PSMF1: variants seen among roughly 807,000 people sequenced by gnomAD.
The protein encoded by PSMF1 is proteasome inhibitor PI31 subunit.
PSMF1 carries 30 observed loss-of-function variants against 29.3 expected under a neutral mutation model. The ratio of observed to expected loss-of-function variants is 1.02; its 90% confidence interval spans 0.77 to 1.39. The LOEUF (loss-of-function observed/expected upper bound fraction) is 1.39, where lower values mean the gene tolerates loss of function less well. PSMF1 is among the 40% of genes most tolerant of loss of function. PSMF1 has a pLI of 0.00. For missense variants in PSMF1, 344 were observed against 357.5 expected (o/e 0.96, Z 0.31); for synonymous variants, 134 against 139.7 (o/e 0.96, Z 0.29).
At chr20:1,127,861 T>A (rs2086179447) in intron 3 of PSMF1, among the ~76,000 whole-genome samples, 1 of 152,130 alleles carries the variant, frequency 6.6e-6, no homozygotes, top group South Asian at 2.1e-4. Context: ...AAAAAATTAT[T>A]TTCTTTAGGG....
intron 3 of PSMF1, 79 bp from the exon 4 acceptor site, chr20:1,135,042 G>A (rs557347547): frequency 4.8e-5 from 71 of 1,479,726 alleles, no homozygotes; most frequent in South Asian, 1.7e-4. Context: ...CGCCGCCGCC[G>A]CCGTCGTTGC....
intron 4 of PSMF1, among the ~76,000 whole-genome samples, chr20:1,151,776 A>G (rs561766270): frequency 1.6e-4 from 25 of 152,370 alleles, no homozygotes; most frequent in African/African-American, 5.5e-4. Flanking sequence ...GAAAGTTTTC[A>G]GAGAGATGAT....
In PSMF1 at chr20:1,167,951, C is replaced by G. The variant is rs1325143498; in HGVS notation, c.*2871C>G. ...ACGGAAGCTGCACCATTTTACATTT[C>G]CACTGGTAATTTATGAGGGTTCCAG... On this transcript the variant is annotated 3_prime_UTR_variant, in exon 7 of 7. Transcript: ENST00000335877. 1 of 152,246 alleles carries G rather than the reference C, an allele frequency of 6.6e-6. No homozygotes were observed. Among genetic ancestry groups the G allele is most frequent in the Non-Finnish European group, 1.5e-5 (1 of 68,050 alleles). 9.4% of individuals were successfully genotyped at this position (152,246 alleles called of 1,614,324 possible).
Position 1,127,520 on chromosome 20 carries a change from T to G in PSMF1, c.365+12T>G, listed in dbSNP as rs1369716331. 6.4e-7 allele frequency: 1 copy of G among 1,557,704 alleles called. No homozygotes were observed. The highest frequency in any genetic ancestry group is 1.7e-5 in the Admixed American group (1 of 59,932). On this transcript the variant is annotated intron_variant, in intron 3 of 6. Transcript: ENST00000335877. ...GGTGACTTCCACAGGTACTTCTAAA[T>G]GATGTCTCTTCCCTGGGAAAAAGAA...
At chr20:1,149,751 C>T (rs1421488617) in intron 4 of PSMF1, among the ~76,000 whole-genome samples, 1 of 152,206 alleles carries the variant, frequency 6.6e-6, no homozygotes, top group Non-Finnish European at 1.5e-5. Context: ...GTGCTTTATG[C>T]AAGGCCAGGT....
intron 3 of PSMF1, 92 bp downstream of exon 3, chr20:1,127,600 G>A: frequency 1.9e-6 from 2 of 1,079,784 alleles, no homozygotes; most frequent in South Asian, 1.3e-5. Context: ...AGAAAATTAA[G>A]GAAGGTGAAT....
intron 2 of PSMF1, among the ~76,000 whole-genome samples, chr20:1,126,586 C>G (rs2086159922): frequency 6.6e-6 from 1 of 152,140 alleles, no homozygotes; most frequent in Non-Finnish European, 1.5e-5. Flanking sequence ...TTAAAAGAAC[C>G]AGGATCACCC....
At chr20:1,120,902 T>G (rs1222947553) in intron 1 of PSMF1, among the ~76,000 whole-genome samples, 1 of 152,190 alleles carries the variant, frequency 6.6e-6, no homozygotes, top group Non-Finnish European at 1.5e-5. Context: ...AGAGGGCGTG[T>G]CTGATACCCT....
intron 4 of PSMF1, among the ~76,000 whole-genome samples, chr20:1,160,080 T>C (rs928764931): frequency 6.6e-6 from 1 of 152,026 alleles, no homozygotes; most frequent in Non-Finnish European, 1.5e-5. Flanking sequence ...CATATCCCTA[T>C]GCATTACGGA....
chr20:1,151,348 G>A (rs1010542743), intron 4 of PSMF1, among the ~76,000 whole-genome samples: 2 of 152,224 alleles, frequency 1.3e-5, no homozygotes, highest in East Asian at 1.9e-4. Context: ...AGAAGCAAAA[G>A]TTGTGTTATA....
At chr20:1,115,705 T>A (rs1368903003), upstream of PSMF1, among the ~76,000 whole-genome samples, 2 of 151,836 alleles carry the variant, frequency 1.3e-5, no homozygotes, top group African/African-American at 4.8e-5. Flanking sequence ...TACTGTTTCC[T>A]TTTACTGGAA....
At chr20:1,135,422 T>A (rs564167783) in intron 4 of PSMF1, 116 bp downstream of exon 4, 3 of 1,139,676 alleles carry the variant, frequency 2.6e-6, no homozygotes, top group Non-Finnish European at 3.7e-6. Context: ...AACAAAATGA[T>A]CAGTGTCTTG....
chr20:1,136,918 G>GA (rs1227907353), intron 4 of PSMF1, among the ~76,000 whole-genome samples: 1 of 152,062 alleles, frequency 6.6e-6, no homozygotes, highest in Non-Finnish European at 1.5e-5. Flanking sequence ...TAAAGTAGTA[G>GA]AAAAAAATAC....
intron 1 of PSMF1, among the ~76,000 whole-genome samples, chr20:1,125,290 T>TA (rs920908885): frequency 6.6e-6 from 1 of 152,126 alleles, no homozygotes; most frequent in African/African-American, 2.4e-5. Context: ...GGTAGCTCAA[T>TA]ATGAGGGAGA....
intron 4 of PSMF1, among the ~76,000 whole-genome samples, chr20:1,153,496 T>C (rs933463204): frequency 6.6e-6 from 1 of 151,754 alleles, no homozygotes; most frequent in Non-Finnish European, 1.5e-5. Flanking sequence ...CTTTTAAGGG[T>C]TCCCATGTAT....
chr20:1,126,444 A>G (rs1456198977), intron 2 of PSMF1, among the ~76,000 whole-genome samples: 2 of 152,146 alleles, frequency 1.3e-5, no homozygotes. Context: ...TTTAACTATT[A>G]TATAGTTTCT....
chr20:1,125,498 C>A lies in PSMF1; in HGVS notation c.130C>A (p.Pro44Thr). 1 of 1,604,562 alleles carries A rather than the reference C, an allele frequency of 6.2e-7. No individual in the cohort carries two copies. Among genetic ancestry groups the A allele is most frequent in the Non-Finnish European group, 8.5e-7 (1 of 1,175,546 alleles). ...CTCCTCTCAACTGTGGTCTTCCCAG[C>A]CGGGTCCCAATGATAAGAAGTCAGA... ...GYFGLGVGDQPGPNDKKSELL... is the reference protein window; with the variant it reads ...GYFGLGVGDQTGPNDKKSELL... The change falls in exon 2 of 7, where the codon CCG becomes ACG. Residue 44 changes from proline (P) to threonine (T), a missense_variant and splice_region_variant. Pro to Thr is a conservative substitution (Grantham distance 38). Transcript: ENST00000335877.
rs146992697 is a variant in PSMF1, at chr20:1,150,332, G to A, written c.552-12798G>A. ...TGAAGCTGGATGTGGGTGAGTGAGT[G>A]GTAAGGGAGGGTGCAATAACGGCCA... On this transcript the variant is annotated intron_variant, in intron 4 of 6. Transcript: ENST00000335877. 2.0e-3 allele frequency among the ~76,000 whole-genome samples: 311 copies of A among 152,276 alleles called. 3 individuals carry two copies. Among genetic ancestry groups the A allele is most frequent in the African/African-American group, 7.0e-3 (290 of 41,560 alleles).
chr20:1,118,930 G>A, intron 1 of PSMF1, 28 bp downstream of exon 1: 1 of 1,611,668 alleles, frequency 6.2e-7, no homozygotes, highest in African/African-American at 1.3e-5. Context: ...CCAGGGTGGA[G>A]GAGGGAACTG....
Sources: allele counts gnomAD v4.1 joint callset (sites outside exome capture counted in the v4.1 genomes callset), GRCh38; gene constraint gnomAD v4.1.1; transcripts MANE v1.5; gene names NCBI Gene and HGNC (gene_info 2026-07-23, HGNC 2026-07-21).